EOGT: variants seen among roughly 807,000 people sequenced by gnomAD.
EOGT encodes EGF domain-specific O-linked N-acetylglucosamine transferase.
EOGT carries 55 observed loss-of-function variants against 70.5 expected under a neutral mutation model. That is an observed-to-expected ratio of 0.78 (90% confidence interval 0.63 to 0.98). EOGT has a LOEUF of 0.98. Among genes scored for constraint, EOGT ranks in the 50% least tolerant of loss-of-function variants. The pLI is 0.00. For missense variants in EOGT, 703 were observed against 641.9 expected, an observed-to-expected ratio of 1.10 and a Z score of -1.03; for synonymous variants, 246 against 217.1, an observed-to-expected ratio of 1.13 and a Z score of -1.17.
intron 10 of EOGT, among the ~76,000 whole-genome samples, chr3:68,994,440 T>G (rs1403623569): frequency 6.6e-6 from 1 of 152,198 alleles, no homozygotes; most frequent in Admixed American, 6.5e-5. Context: ...TTTTAAAAAC[T>G]TCACATACTT....
chr3:68,980,116 T>C (rs369036415), intron 15 of EOGT, among the ~76,000 whole-genome samples: 1 of 152,026 alleles, frequency 6.6e-6, no homozygotes, highest in Non-Finnish European at 1.5e-5. Flanking sequence ...TCAAACTAAG[T>C]AGTGTTCAAA....
chr3:68,987,635 T>A, intron 13 of EOGT, 122 bp from the exon 14 acceptor site: 1 of 713,662 alleles, frequency 1.4e-6, no homozygotes, highest in Non-Finnish European at 2.4e-6. Flanking sequence ...TTAATAGAAC[T>A]CTTCTTTTTT....
chr3:68,997,375 T>A (rs1338182079), intron 10 of EOGT, among the ~76,000 whole-genome samples: 1 of 151,502 alleles, frequency 6.6e-6, no homozygotes, highest in African/African-American at 2.4e-5. Flanking sequence ...GACAGCCTTT[T>A]TTTTTTTTTT....
intron 10 of EOGT, 106 bp downstream of exon 10, chr3:68,997,905 C>T: frequency 1.5e-6 from 1 of 684,376 alleles, no homozygotes; most frequent in Non-Finnish European, 2.5e-6. Flanking sequence ...TGCGGCTGTA[C>T]ATGTTGAAAT....
Position 68,999,094 on chromosome 3 carries a change from C to T in EOGT, c.728-980G>A, listed in dbSNP as rs1013698076. On this transcript the variant is annotated intron_variant, in intron 9 of 17. Coordinates refer to ENST00000383701, the MANE Select transcript of EOGT (RefSeq NM_001278689.2). ...TTGAATTCCAGCACAGCCAAGCATG[C>T]GCAACATTCTTAGATGAGTTTATAA... Among the ~76,000 whole-genome samples the T allele has an allele frequency of 1.5e-4, 23 of 152,254 alleles. No individual in the cohort carries two copies. In the East Asian group the frequency reaches 2.3e-3, roughly 15 times the overall value.
chr3:68,982,965 C>CTA (rs2090693717), intron 14 of EOGT, 93 bp from the exon 15 acceptor site: 5 of 688,492 alleles, frequency 7.3e-6, no homozygotes, highest in Non-Finnish European at 1.2e-5. Flanking sequence ...TTTGCATATA[C>CTA]TATTTCAGAT....
chr3:69,004,745 C>T (rs1444058835), intron 7 of EOGT, among the ~76,000 whole-genome samples: 1 of 152,030 alleles, frequency 6.6e-6, no homozygotes, highest in African/African-American at 2.4e-5. Context: ...AACCCCTCTG[C>T]CATATCATCA....
intron 10 of EOGT, among the ~76,000 whole-genome samples, chr3:68,994,026 T>C (rs2091073812): frequency 6.6e-6 from 1 of 152,102 alleles, no homozygotes; most frequent in African/African-American, 2.4e-5. Context: ...CCAAACCATA[T>C]CAAGGACCAA....
intron 16 of EOGT, among the ~76,000 whole-genome samples, chr3:68,978,882 C>A (rs1484034699): frequency 5.3e-5 from 8 of 152,184 alleles, no homozygotes; most frequent in Non-Finnish European, 1.2e-4. Context: ...TTCCATCCTT[C>A]CTTCTCTCTC....
chr3:69,002,110 T>G (rs2091310594), intron 8 of EOGT, among the ~76,000 whole-genome samples: 1 of 152,188 alleles, frequency 6.6e-6, no homozygotes, highest in Middle Eastern at 3.4e-3. Context: ...GAGAATCGCT[T>G]GAACCTGGGA....
In EOGT at chr3:68,975,885, G is replaced by A. The variant is rs1318616312; in HGVS notation, c.*1733C>T. The A allele has an allele frequency of 6.6e-6, 1 of 152,004 alleles. No homozygotes were observed. The highest frequency in any genetic ancestry group is 2.4e-5 in the African/African-American group (1 of 41,390). 9.4% of individuals were successfully genotyped at this position (152,004 alleles called of 1,614,324 possible). On this transcript the variant is annotated 3_prime_UTR_variant, in exon 18 of 18. Coordinates refer to ENST00000383701, the MANE Select transcript of EOGT (RefSeq NM_001278689.2). ...TTGTTTTGTGTGTCATTTTTCTGAT[G>A]GATATTTTTTACAACTGTAAAATAT...
intron 14 of EOGT, among the ~76,000 whole-genome samples, chr3:68,984,243 G>T (rs369039205): frequency 4.9e-4 from 73 of 149,616 alleles, no homozygotes; most frequent in African/African-American, 1.7e-3. Flanking sequence ...ACACACACAC[G>T]CACACAGTCA....
At chr3:69,001,857 C>T (rs1311749530) in intron 8 of EOGT, 143 bp from the exon 9 acceptor site, 2 of 622,402 alleles carry the variant, frequency 3.2e-6, no homozygotes, top group Admixed American at 3.4e-5. Context: ...ACTTCTAAAA[C>T]TTACTGACTT....
chr3:69,007,973 C>A, intron 5 of EOGT, 152 bp from the exon 6 acceptor site: 1 of 558,296 alleles, frequency 1.8e-6, no homozygotes, highest in Non-Finnish European at 3.2e-6. Flanking sequence ...CGCCTCACTA[C>A]ATGAAGTTAC....
chr3:68,977,729 G>C lies in EOGT; in HGVS notation c.1473C>G (p.Phe491Leu), dbSNP rs1267974915. Residue 491 changes from phenylalanine to leucine, a missense_variant, in exon 18 of 18, where the codon TTC (phenylalanine) becomes TTG (leucine). Phe to Leu is a conservative substitution (Grantham distance 22). Coordinates refer to ENST00000383701, the MANE Select transcript of EOGT (RefSeq NM_001278689.2). ...HHPTLGEHPK[F>L]TNYSFDVEEF... ...CTTCTACATCGAAAGAGTAGTTGGT[G>C]AACTTCGGGTGCTCCCCCAGGGTTG... 1 of 1,613,632 alleles carries C rather than the reference G, an allele frequency of 6.2e-7. No homozygotes were observed. Among genetic ancestry groups the C allele is most frequent in the South Asian group, 1.1e-5 (1 of 90,920 alleles).
At chr3:68,982,366 A>C (rs933200445) in intron 15 of EOGT, among the ~76,000 whole-genome samples, 2 of 137,710 alleles carry the variant, frequency 1.5e-5, no homozygotes, top group African/African-American at 7.2e-5. Flanking sequence ...CAAAAAATAC[A>C]AAAATTAGCC....
chr3:68,976,315 G>A lies in EOGT; in HGVS notation c.*1303C>T, dbSNP rs1023684028. ...TGACAGAGGTAGACGCACACGCACT[G>A]GTATATGCAGTTACAAATACTCGCA... is the stretch of plus-strand genomic sequence containing the variant. On this transcript the variant is annotated 3_prime_UTR_variant, in exon 18 of 18. Coordinates refer to ENST00000383701, the MANE Select transcript of EOGT (RefSeq NM_001278689.2). 18 of 151,970 alleles carry A rather than the reference G, an allele frequency of 1.2e-4. 1 individual carries two copies. The highest frequency in any genetic ancestry group is 4.8e-5 in the African/African-American group (2 of 41,368). The allele number at this position is 151,970 out of a possible 1,614,324, so 9.4% of individuals were successfully genotyped here.
At chr3:69,007,574 C>T (rs1037933114) in intron 6 of EOGT, 139 bp downstream of exon 6, 4 of 319,850 alleles carry the variant, frequency 1.3e-5, no homozygotes, top group African/African-American at 4.9e-5. Flanking sequence ...ATTCCTTGAA[C>T]CTGGGAGGCA....
chr3:68,988,228 G>A (rs1160185997), intron 13 of EOGT, 67 bp downstream of exon 13: 1 of 1,069,082 alleles, frequency 9.4e-7, no homozygotes, highest in Non-Finnish European at 1.4e-6. Context: ...TTTCTGAAAA[G>A]GTGGTATCGA....
Sources: gnomAD v4.1 joint callset for allele counts (sites outside exome capture counted in the v4.1 genomes callset) on GRCh38, gnomAD v4.1.1 for gene constraint, MANE v1.5 for transcripts, NCBI Gene and HGNC (gene_info 2026-07-23, HGNC 2026-07-21) for gene names.